The following CREB3L2 variants were observed in gnomAD, a reference collection of about 807,000 sequenced individuals.
CREB3L2 encodes cAMP responsive element binding protein 3 like 2.
In CREB3L2, 23 loss-of-function variants were observed where a neutral mutation model predicts 57.2. The ratio of observed to expected loss-of-function variants is 0.40; its 90% CI spans 0.29 to 0.57. The LOEUF is 0.57. Ranked by LOEUF, CREB3L2 falls within the 20% of genes least tolerant of loss-of-function variation. The pLI is 0.42. For missense variants in CREB3L2, 628 were observed against 634.7 expected (o/e 0.99, Z 0.11); for synonymous variants, 268 against 265.1 (o/e 1.01, Z -0.11).
intron 2 of CREB3L2, among the ~76,000 whole-genome samples, chr7:137,923,193 G>T (rs73729523): frequency 6.6e-6 from 1 of 152,194 alleles, no homozygotes; most frequent in Non-Finnish European, 1.5e-5. Context: ...AACTGTAATC[G>T]CTGGATTAAT....
chr7:137,956,490 A>C, intron 1 of CREB3L2: 1 of 544,308 alleles, frequency 1.8e-6, no homozygotes, highest in South Asian at 1.7e-5. Flanking sequence ...TTTCTTCTAA[A>C]TCAAATCTGA....
intron 2 of CREB3L2, among the ~76,000 whole-genome samples, chr7:137,922,425 TATATATATATAC>T (rs1800335002): frequency 2.1e-5 from 1 of 48,074 alleles, no homozygotes; most frequent in Non-Finnish European, 3.2e-5. Context: ...TGTATATATA[TATATATATATAC>T]GTATATATAT....
intron 1 of CREB3L2, among the ~76,000 whole-genome samples, chr7:137,973,682 G>C (rs539388674): frequency 9.7e-6 from 1 of 103,318 alleles, no homozygotes; most frequent in Admixed American, 9.7e-5. Flanking sequence ...TGCCAAGAGG[G>C]ACCCTACTAG....
At chr7:137,970,592 G>C (rs1212227932) in intron 1 of CREB3L2, among the ~76,000 whole-genome samples, 2 of 152,098 alleles carry the variant, frequency 1.3e-5, no homozygotes, top group South Asian at 2.1e-4. Context: ...GTTCACAGAA[G>C]GGGGTGGGTG....
intron 4 of CREB3L2, among the ~76,000 whole-genome samples, chr7:137,912,659 C>T (rs892885520): frequency 1.3e-4 from 20 of 152,134 alleles, no homozygotes; most frequent in African/African-American, 4.1e-4. Flanking sequence ...GTAGGGTTCA[C>T]GCCTGGATGA....
At chr7:137,934,915 T>C (rs1007295530) in intron 1 of CREB3L2, among the ~76,000 whole-genome samples, 2 of 152,252 alleles carry the variant, frequency 1.3e-5, no homozygotes, top group Non-Finnish European at 2.9e-5. Context: ...CTTAAAAATT[T>C]GTGTCAAGTT....
At chr7:137,900,753 G>A (rs752688645) in intron 8 of CREB3L2, among the ~76,000 whole-genome samples, 3 of 151,712 alleles carry the variant, frequency 2.0e-5, no homozygotes, top group East Asian at 1.9e-4. Flanking sequence ...GCAGTGAGCC[G>A]ATATCATGCC....
chr7:137,907,707 G>T (rs997457988), intron 5 of CREB3L2, among the ~76,000 whole-genome samples: 1 of 152,036 alleles, frequency 6.6e-6, no homozygotes, highest in Non-Finnish European at 1.5e-5. Context: ...CTTTATTATG[G>T]TGTCCTCATG....
chr7:137,957,876 T>A, intron 1 of CREB3L2: 1 of 852,068 alleles, frequency 1.2e-6, no homozygotes, highest in Non-Finnish European at 1.7e-6. Flanking sequence ...ATTTTTGCTG[T>A]ATCACAGGGT....
At chr7:137,903,349 A>T (rs1050138515) in intron 7 of CREB3L2, among the ~76,000 whole-genome samples, 7 of 152,218 alleles carry the variant, frequency 4.6e-5, no homozygotes, top group Admixed American at 2.0e-4. Context: ...TGCCCATCTT[A>T]AAAATATCTT....
At chr7:138,000,920 T>C (rs1038092466) in intron 1 of CREB3L2, among the ~76,000 whole-genome samples, 10 of 152,170 alleles carry the variant, frequency 6.6e-5, no homozygotes, top group Non-Finnish European at 1.5e-4. Flanking sequence ...TGGTGAGCTG[T>C]CCCACCTTCC....
intron 9 of CREB3L2, 116 bp from the exon 10 acceptor site, chr7:137,885,237 C>T (rs745617554): frequency 1.0e-5 from 13 of 1,268,306 alleles, no homozygotes; most frequent in African/African-American, 1.5e-5. Flanking sequence ...TGGACTGCAC[C>T]CACCAGTCAC....
chr7:137,953,069 G>A (rs570854893), intron 1 of CREB3L2, among the ~76,000 whole-genome samples: 12 of 152,302 alleles, frequency 7.9e-5, no homozygotes, highest in Admixed American at 2.0e-4. Flanking sequence ...TGCCTGCCTC[G>A]GCCTCCCAAA....
intron 4 of CREB3L2, among the ~76,000 whole-genome samples, chr7:137,908,925 G>A (rs530567972): frequency 3.9e-5 from 6 of 151,976 alleles, no homozygotes; most frequent in Admixed American, 6.6e-5. Flanking sequence ...GCAGTGAGCC[G>A]AGATCATGCT....
rs972797222 is a variant in CREB3L2, at chr7:137,974,798, T to C, written c.102+26806A>G. Among the ~76,000 whole-genome samples, 7 of 152,172 alleles carry C rather than the reference T, an allele frequency of 4.6e-5. No individual in the cohort carries two copies. The East Asian group carries it at 1.4e-3, about 29-fold the overall frequency. ...TAGGTGCCTGGCCTGCCCCAGTGAA[T>C]GTTTGACTGCACCATTTGCTGGAGA... On this transcript the variant is annotated intron_variant, in intron 1 of 11. Transcript: ENST00000330387.
At chr7:137,987,034 C>T (rs1485443171) in intron 1 of CREB3L2, among the ~76,000 whole-genome samples, 1 of 152,230 alleles carries the variant, frequency 6.6e-6, no homozygotes, top group Non-Finnish European at 1.5e-5. Flanking sequence ...GCCCACTGCC[C>T]CAGCTCTCCC....
intron 2 of CREB3L2, among the ~76,000 whole-genome samples, chr7:137,926,227 C>T (rs188667385): frequency 3.9e-5 from 6 of 152,324 alleles, no homozygotes; most frequent in Admixed American, 3.9e-4. Context: ...AATCCCATTA[C>T]TGGGTATATA....
At chr7:137,902,686 G>A (rs1335467321) in intron 7 of CREB3L2, among the ~76,000 whole-genome samples, 1 of 152,118 alleles carries the variant, frequency 6.6e-6, no homozygotes, top group Non-Finnish European at 1.5e-5. Flanking sequence ...ATATCCTCCA[G>A]TATATGTTAA....
At chr7:137,955,117 G>A (rs1801181782) in intron 1 of CREB3L2, 1 of 392,230 alleles carries the variant, frequency 2.5e-6, no homozygotes, top group Non-Finnish European at 5.2e-6. Context: ...TCACTCTCTT[G>A]ACCCCTAATT....
Sources: gnomAD v4.1 joint callset for allele counts (sites outside exome capture counted in the v4.1 genomes callset) on GRCh38, gnomAD v4.1.1 for gene constraint, MANE v1.5 for transcripts, NCBI Gene and HGNC (gene_info 2026-07-23, HGNC 2026-07-21) for gene names.